The following PRRC2B variants were observed in gnomAD, a reference collection of about 807,000 sequenced individuals.
The protein encoded by PRRC2B is protein PRRC2B.
PRRC2B carries 68 observed loss-of-function variants against 242.3 expected under a neutral mutation model. The ratio of observed to expected loss-of-function variants is 0.28; its 90% CI spans 0.23 to 0.34. The LOEUF (loss-of-function observed/expected upper bound fraction) is 0.34, where lower values mean the gene tolerates loss of function less well. PRRC2B is among the 10% of genes least tolerant of loss of function. The pLI is 1.00. For synonymous variants in PRRC2B, 1,228 were observed against 1,173.6 expected (o/e 1.05, Z -0.95); for missense variants, 2,835 against 2,954.8 (o/e 0.96, Z 0.94).
chr9:131,493,022 G>A (rs907342313), intron 30 of PRRC2B, among the ~76,000 whole-genome samples: 2 of 152,136 alleles, frequency 1.3e-5, no homozygotes, highest in African/African-American at 4.8e-5. Context: ...TAACACCATC[G>A]CTGCAGACGC....
chr9:131,409,445 A>G (rs949850933), intron 1 of PRRC2B, among the ~76,000 whole-genome samples: 1 of 152,190 alleles, frequency 6.6e-6, no homozygotes, highest in Non-Finnish European at 1.5e-5. Flanking sequence ...CGGCCTCCCA[A>G]AGTGCTGGGA....
intron 1 of PRRC2B, among the ~76,000 whole-genome samples, chr9:131,408,557 A>G (rs34088653): frequency 1.3e-5 from 2 of 152,238 alleles, no homozygotes; most frequent in Non-Finnish European, 1.5e-5. Context: ...ATGACCATGT[A>G]TAGAAAGAGA....
In PRRC2B at chr9:131,475,006, T is replaced by C. The variant is rs553635240; in HGVS notation, c.2877T>C (p.Leu959=). 5.6e-6 allele frequency: 9 copies of C among 1,603,510 alleles called. No individual in the cohort carries two copies. The African/African-American group carries it at 8.0e-5, about 14-fold the overall frequency. ...ALKVEDKEKE[L]EKIKQELGEE... is the part of the protein sequence containing the mutation. ...AGGTGGAAGACAAGGAGAAGGAGCT[T>C]GAGAAGATTAAGCAGGAGCTAGGGG... is the stretch of plus-strand genomic sequence containing the variant. The change falls in exon 16 of 32, where the codon CTT becomes CTC. Residue 959 remains leucine, a synonymous_variant. Coordinates refer to ENST00000683519, the MANE Select transcript of PRRC2B (RefSeq NM_013318.4).
At chr9:131,493,390 G>A (rs894652284) in intron 30 of PRRC2B, among the ~76,000 whole-genome samples, 2 of 152,226 alleles carry the variant, frequency 1.3e-5, no homozygotes, top group African/African-American at 2.4e-5. Context: ...ACCATGGAGC[G>A]GAACTGGAAG....
In PRRC2B at chr9:131,476,410, G is replaced by A; in HGVS notation, c.4281G>A (p.Val1427=). The change falls in exon 16 of 32, where the codon GTG becomes GTA. Residue 1427 remains valine (V), a synonymous_variant. Coordinates refer to ENST00000683519, the MANE Select transcript of PRRC2B (RefSeq NM_013318.4). The stretch of plus-strand genomic sequence containing the variant: ...GGAGCTTCTCCAGTCAGAGACCCGT[G>A]GTTGACAGACAGAGCCGAAAGCTGG... ...AKRSFSSQRP[V]VDRQSRKLEP... The A allele has an allele frequency of 1.2e-6, 2 of 1,610,114 alleles. No individual in the cohort carries two copies. The highest frequency in any genetic ancestry group is 1.7e-6 in the Non-Finnish European group (2 of 1,178,148).
chr9:131,493,181 C>G (rs940437914), intron 30 of PRRC2B, among the ~76,000 whole-genome samples: 1 of 152,140 alleles, frequency 6.6e-6, no homozygotes, highest in African/African-American at 2.4e-5. Flanking sequence ...TGTCCTCCAT[C>G]ACAGCATTCC....
chr9:131,423,576 T>C (rs1194960749), intron 1 of PRRC2B, among the ~76,000 whole-genome samples: 1 of 152,098 alleles, frequency 6.6e-6, no homozygotes, highest in Non-Finnish European at 1.5e-5. Flanking sequence ...ATGATTCTGG[T>C]TTATTTTGGA....
rs1192598771 is a variant in PRRC2B, at chr9:131,498,167, C to T, written c.*2293C>T. On this transcript the variant is annotated 3_prime_UTR_variant, in exon 32 of 32. Transcript: ENST00000683519. ...CAAAAAGGTCACCTGTTCTCCAGCC[C>T]TTTTCTCTTACCTGGTATTTCCTTC... 1 of 152,162 alleles carries T rather than the reference C, an allele frequency of 6.6e-6. No individual in the cohort carries two copies. Among genetic ancestry groups the T allele is most frequent in the Non-Finnish European group, 1.5e-5 (1 of 68,034 alleles). 9.4% of individuals were successfully genotyped at this position (152,162 alleles called of 1,614,324 possible). A position where few individuals can be genotyped will look rare whatever the true frequency, so the allele number is the denominator to read the frequency against.
chr9:131,486,426 C>T, intron 26 of PRRC2B: 1 of 923,384 alleles, frequency 1.1e-6, no homozygotes, highest in South Asian at 5.0e-5. Context: ...CAAAGTTCTC[C>T]CTCCTGTGTC....
At position 131,464,977 on chromosome 9, in the gene PRRC2B, G is replaced by T. The variant is rs780688754; in HGVS notation, c.1619G>T (p.Arg540Leu). ...CTGGACCAGAAGTGTAAGCAGGCAC[G>T]AAAGGCAGGTGAGGCCCGGAAGCAG... ...KQLDQKCKQA[R>L]KAGEARKQAE... The change falls in exon 12 of 32, where the codon CGA becomes CTA. Residue 540 changes from arginine (R) to leucine (L), a missense_variant. Around this residue, in one of 7 missense-constraint regions of PRRC2B, gnomAD observed 1,536 missense variants for 1,483.1 expected, o/e 1.04. Coordinates refer to ENST00000683519, the MANE Select transcript of PRRC2B (RefSeq NM_013318.4). The T allele has an allele frequency of 6.2e-7, 1 of 1,613,986 alleles. No individual in the cohort carries two copies. Among genetic ancestry groups the T allele is most frequent in the Non-Finnish European group, 8.5e-7 (1 of 1,179,898 alleles).
intron 1 of PRRC2B, among the ~76,000 whole-genome samples, chr9:131,398,537 G>A (rs1003254387): frequency 4.6e-5 from 7 of 152,286 alleles, no homozygotes; most frequent in South Asian, 4.1e-4. Flanking sequence ...CGTCTGGACC[G>A]TCTTCCTCCT....
In PRRC2B at chr9:131,476,198, A is replaced by C. The variant is rs777834819; in HGVS notation, c.4069A>C (p.Arg1357=). The C allele has an allele frequency of 1.2e-6, 2 of 1,613,558 alleles. No homozygotes were observed. The highest frequency in any genetic ancestry group is 2.2e-5 in the East Asian group (1 of 44,874). Residue 1357 remains arginine, a synonymous_variant, in exon 16 of 32, where the codon AGG becomes CGG. Coordinates refer to ENST00000683519, the MANE Select transcript of PRRC2B (RefSeq NM_013318.4). The part of the protein sequence containing the change: ...SGDKSGTVGR[R]SPELSYQNSS... ...GGACAAGAGTGGCACTGTGGGCCGC[A>C]GGTCCCCTGAGCTCTCCTACCAGAA...
intron 2 of PRRC2B, among the ~76,000 whole-genome samples, chr9:131,432,032 G>A (rs1446253929): frequency 1.3e-5 from 2 of 152,186 alleles, no homozygotes; most frequent in Non-Finnish European, 2.9e-5. Context: ...GGGCTCAAGC[G>A]ATCTACCCAC....
intron 1 of PRRC2B, among the ~76,000 whole-genome samples, chr9:131,403,159 T>C (rs1837269793): frequency 1.3e-5 from 2 of 152,152 alleles, no homozygotes; most frequent in Admixed American, 1.3e-4. Context: ...AGCACAGGCC[T>C]GTCTGGGAGG....
At chr9:131,445,687 C>T (rs1331674565) in intron 6 of PRRC2B, among the ~76,000 whole-genome samples, 1 of 152,190 alleles carries the variant, frequency 6.6e-6, no homozygotes, top group Non-Finnish European at 1.5e-5. Context: ...GGGTCTCTTT[C>T]CCTTAAGGGT....
rs1223508624 is a variant in PRRC2B, at chr9:131,429,976, C to G, written c.-51-118C>G. The G allele has an allele frequency of 2.2e-5, 13 of 603,122 alleles. 1 individual carries two copies. The East Asian group carries it at 3.0e-4, about 14-fold the overall frequency. The allele number at this position is 603,122 out of a possible 1,614,324, so 37.4% of individuals were successfully genotyped here. On this transcript the variant is annotated intron_variant, in intron 1 of 31. Transcript: ENST00000683519. ...CAGTCCAAAGCCATCTTCAGATCTT[C>G]AAGGAGATCCATGATTCGTGAAGGA...
intron 1 of PRRC2B, among the ~76,000 whole-genome samples, chr9:131,387,001 T>A (rs1564270460): frequency 6.7e-6 from 1 of 149,170 alleles, no homozygotes; most frequent in Non-Finnish European, 1.5e-5. Context: ...TCTCTTTCTT[T>A]CTTTCTTTCT....
chr9:131,379,042 A>G (rs544177731), intron 1 of PRRC2B, among the ~76,000 whole-genome samples: 22 of 152,152 alleles, frequency 1.4e-4, no homozygotes, highest in Non-Finnish European at 2.6e-4. Flanking sequence ...TATTTTTGCA[A>G]TCTAAGGCAG....
intron 1 of PRRC2B, among the ~76,000 whole-genome samples, chr9:131,420,501 T>TTCTTTCTTTCTTTCCTTC: frequency 5.2e-5 from 1 of 19,054 alleles, no homozygotes; most frequent in Admixed American, 6.5e-4. Context: ...TTCTTTTTTT[T>TTCTTTCTTTCTTTCCTTC]TTTTTTTTTG....
Sources: allele counts gnomAD v4.1 joint callset (sites outside exome capture counted in the v4.1 genomes callset), GRCh38; gene constraint gnomAD v4.1.1; regional missense constraint gnomAD v4.1.1; transcripts MANE v1.5; gene names NCBI Gene and HGNC (gene_info 2026-07-23, HGNC 2026-07-21).